DCHS2: variants seen among roughly 807,000 people sequenced by gnomAD.
DCHS2 encodes protocadherin-23.
DCHS2 carries 142 observed loss-of-function variants against 182.4 expected under a neutral mutation model. That is an observed-to-expected ratio of 0.78 (90% CI 0.68 to 0.89). The LOEUF (loss-of-function observed/expected upper bound fraction) is 0.89, where lower values mean the gene tolerates loss of function less well. Among genes scored for constraint, DCHS2 ranks in the 40% least tolerant of loss-of-function variants. DCHS2 has a pLI of 0.00. For synonymous variants in DCHS2, 1,740 were observed against 1,663.3 expected (o/e 1.05, Z -1.12); for missense variants, 4,319 against 4,198.6 (o/e 1.03, Z -0.79).
intron 2 of DCHS2, among the ~76,000 whole-genome samples, chr4:154,368,014 G>T (rs1453368934): frequency 6.6e-6 from 1 of 152,162 alleles, no homozygotes; most frequent in African/African-American, 2.4e-5. Context: ...GATTTTCCAT[G>T]TTCTGAGTTG....
chr4:154,329,567 G>T lies in DCHS2; in HGVS notation c.3874C>A (p.Pro1292Thr). The T allele has an allele frequency of 6.2e-7, 1 of 1,613,676 alleles. No individual in the cohort carries two copies. The highest frequency in any genetic ancestry group is 8.5e-7 in the Non-Finnish European group (1 of 1,179,912). ...CCAGGGAGACACTGGGGGAAGAAGGGCCTGTTATCATTGATGTCAGTAACT... is the reference window on the plus strand; with the variant it reads ...CCAGGGAGACACTGGGGGAAGAAGGTCCTGTTATCATTGATGTCAGTAACT... ...VSVTDINDNRPFFPQCLPGKE... is the reference protein window; with the variant it reads ...VSVTDINDNRTFFPQCLPGKE... Residue 1292 changes from proline to threonine, a missense_variant, in exon 6 of 20, where the codon CCC becomes ACC. By Grantham distance (38) the Pro-to-Thr change is conservative. Coordinates refer to ENST00000357232, the MANE Select transcript of DCHS2 (RefSeq NM_001358235.2).
In DCHS2 at chr4:154,332,535, G is replaced by A; in HGVS notation, c.3673C>T (p.Gln1225Ter). 1 of 1,614,104 alleles carries A rather than the reference G, an allele frequency of 6.2e-7. No individual in the cohort carries two copies. Among genetic ancestry groups the A allele is most frequent in the Non-Finnish European group, 8.5e-7 (1 of 1,180,006 alleles). ...TCAGACAAAAGGAAATATAATAGCT[G>A]TCCATTCTTTCCAGAGTCCATGTCA... is the stretch of plus-strand genomic sequence containing the variant. Reference protein sequence around the residue: ...AIDMDSGKNGQLLYFLLSDGK... With the variant: ...AIDMDSGKNG Residue 1225 changes from glutamine to a stop codon, truncating the protein, a stop_gained, in exon 5 of 20, where the codon CAG becomes TAG. Coordinates refer to ENST00000357232, the MANE Select transcript of DCHS2 (RefSeq NM_001358235.2). LOFTEE classifies it high-confidence loss of function.
intron 3 of DCHS2, among the ~76,000 whole-genome samples, chr4:154,361,730 A>T (rs1202892287): frequency 6.6e-6 from 1 of 152,116 alleles, no homozygotes; most frequent in East Asian, 1.9e-4. Context: ...AAGAGAAAAC[A>T]ACCATGACAT....
chr4:154,425,036 A>G (rs1279522523), intron 1 of DCHS2, among the ~76,000 whole-genome samples: 4 of 152,210 alleles, frequency 2.6e-5, no homozygotes, highest in African/African-American at 9.6e-5. Context: ...ATTCCTGATA[A>G]GCACACCTTG....
rs551878221 is a variant in DCHS2 at position 154,241,001 on chromosome 4, A to G, written c.7073-178T>C. 3.2e-4 allele frequency among the ~76,000 whole-genome samples: 48 copies of G among 152,330 alleles called. No individual in the cohort carries two copies. The South Asian group carries it at 3.9e-3, about 13-fold the overall frequency. On this transcript the variant is annotated intron_variant, in intron 17 of 19. Transcript: ENST00000357232. ...ACAAAAACTCTGAAGAATTTATGAG[A>G]CCAATAAAAGTGAAAATTTACCACT... is the stretch of plus-strand genomic sequence containing the variant.
chr4:154,323,089 C>G (rs968854733), intron 7 of DCHS2: 1 of 1,139,262 alleles, frequency 8.8e-7, no homozygotes, highest in Non-Finnish European at 1.2e-6. Flanking sequence ...TTTGTCCTTG[C>G]AATTTATTTG....
intron 1 of DCHS2, among the ~76,000 whole-genome samples, chr4:154,440,276 A>T (rs1199501068): frequency 6.6e-6 from 1 of 152,330 alleles, no homozygotes; most frequent in South Asian, 2.1e-4. Flanking sequence ...CTGATGTACT[A>T]AAAAAGTGTA....
In DCHS2 at chr4:154,332,679, C is replaced by T. The variant is rs771835398; in HGVS notation, c.3529G>A (p.Val1177Ile). The change falls in exon 5 of 20, where the codon GTC (valine) becomes ATC (isoleucine). Residue 1177 changes from valine (V) to isoleucine (I), a missense_variant. By Grantham distance (29) the Val-to-Ile change is conservative. Transcript: ENST00000357232. ...DGFLQNVSTT[V>I]IVRVWDENDN... ...TTCTCATCCCAGACACGAACAATGA[C>T]TGTAGTGCTCACATTTTGCAAGAAT... is the stretch of plus-strand genomic sequence containing the variant. 1.9e-6 allele frequency: 3 copies of T among 1,614,126 alleles called. No individual in the cohort carries two copies. The highest frequency in any genetic ancestry group is 2.5e-6 in the Non-Finnish European group (3 of 1,180,038).
intron 3 of DCHS2, among the ~76,000 whole-genome samples, chr4:154,346,092 C>T (rs923700723): frequency 1.3e-5 from 2 of 152,154 alleles, no homozygotes; most frequent in South Asian, 2.1e-4. Context: ...CATTGTGGAG[C>T]GCCACCATTA....
chr4:154,259,876 G>A (rs1732895193), intron 14 of DCHS2, 120 bp from the exon 15 acceptor site: 1 of 1,194,324 alleles, frequency 8.4e-7, no homozygotes, highest in African/African-American at 1.5e-5. Context: ...AGGCTGGAGT[G>A]CAGTGGTGAA....
chr4:154,294,479 TTTTG>T (rs1734832572), intron 13 of DCHS2, among the ~76,000 whole-genome samples: 2 of 152,196 alleles, frequency 1.3e-5, no homozygotes, highest in African/African-American at 2.4e-5. Flanking sequence ...CCACTCAGTA[TTTTG>T]TTTATCAAAG....
Position 154,234,319 on chromosome 4 carries a change from C to T in DCHS2, c.*217G>A, listed in dbSNP as rs72721380. The T allele has an allele frequency of 0.013, 7,570 of 581,766 alleles. 75 individuals carry two copies. Among genetic ancestry groups the T allele is most frequent in the Middle Eastern group, 0.026 (54 of 2,110 alleles). The allele number at this position is 581,766 out of a possible 1,614,324, so 36.0% of individuals were successfully genotyped here. A position where few individuals can be genotyped will look rare whatever the true frequency, so the allele number is the denominator to read the frequency against. On this transcript the variant is annotated 3_prime_UTR_variant, in exon 20 of 20. Transcript: ENST00000357232. ...CTACTTAATATATACAAATGTGAGT[C>T]CTGAGAGCAACACATAAGGATTAAA...
At chr4:154,384,767 C>A (rs939919085) in intron 1 of DCHS2, among the ~76,000 whole-genome samples, 1 of 152,002 alleles carries the variant, frequency 6.6e-6, no homozygotes, top group African/African-American at 2.4e-5. Context: ...TCAAGGAACA[C>A]CGACAGCCAC....
rs1728840639 is a variant in DCHS2, at chr4:154,491,610, C to T, written c.-255G>A. 2 of 1,328,498 alleles carry T rather than the reference C, an allele frequency of 1.5e-6. No homozygotes were observed. Among genetic ancestry groups the T allele is most frequent in the Non-Finnish European group, 1.9e-6 (2 of 1,046,222 alleles). 82.3% of individuals were successfully genotyped at this position (1,328,498 alleles called of 1,614,324 possible). On this transcript the variant is annotated 5_prime_UTR_variant, in exon 1 of 20. Transcript: ENST00000357232. ...AGCCACCTCTTCTGCCCCTGGATTT[C>T]TTTAAACGAATCTCATCTCTTTTTC...
intron 1 of DCHS2, among the ~76,000 whole-genome samples, chr4:154,387,453 G>A (rs1210085829): frequency 6.6e-6 from 1 of 152,064 alleles, no homozygotes; most frequent in Non-Finnish European, 1.5e-5. Flanking sequence ...AAGAATGTGG[G>A]TTTATTCACA....
chr4:154,294,763 A>G (rs1277832115), intron 13 of DCHS2, among the ~76,000 whole-genome samples: 1 of 152,226 alleles, frequency 6.6e-6, no homozygotes, highest in African/African-American at 2.4e-5. Flanking sequence ...GAATGTGTAA[A>G]TCAAAAGGAA....
At chr4:154,309,890 T>C (rs956492565) in intron 10 of DCHS2, among the ~76,000 whole-genome samples, 1 of 152,222 alleles carries the variant, frequency 6.6e-6, no homozygotes, top group Admixed American at 6.5e-5. Flanking sequence ...AGGACTATGA[T>C]GCAGAAGACT....
intron 1 of DCHS2, among the ~76,000 whole-genome samples, chr4:154,438,028 AAAAT>A (rs1392359550): frequency 1.3e-5 from 2 of 152,146 alleles, no homozygotes; most frequent in African/African-American, 4.8e-5. Flanking sequence ...TAATAAAATA[AAAAT>A]AAATAAATGA....
rs10027342 is a variant in DCHS2 at position 154,348,387 on chromosome 4, G to A, written c.2477-13283C>T. Among the ~76,000 whole-genome samples, 706 of 151,956 alleles carry A rather than the reference G, an allele frequency of 4.6e-3. 18 individuals are homozygous for A. Among genetic ancestry groups the A allele is most frequent in the African/African-American group, 0.016 (672 of 41,272 alleles). ...GTACCATGGAAAGGTCATAAATTTG[G>A]CAATAATTGAGAAAAGAATCGAGTA... On this transcript the variant is annotated intron_variant, in intron 3 of 19. Coordinates refer to ENST00000357232, the MANE Select transcript of DCHS2 (RefSeq NM_001358235.2).
Sources: allele counts gnomAD v4.1 joint callset (sites outside exome capture counted in the v4.1 genomes callset), GRCh38; gene constraint gnomAD v4.1.1; transcripts MANE v1.5; gene names NCBI Gene and HGNC (gene_info 2026-07-23, HGNC 2026-07-21).